Variants in FLRT1 observed in about 807,000 individuals in gnomAD.
FLRT1 encodes leucine-rich repeat transmembrane protein FLRT1.
In FLRT1, 14 loss-of-function variants were observed where a neutral mutation model predicts 30.9. The ratio of observed to expected loss-of-function variants is 0.45; its 90% CI spans 0.30 to 0.71. The LOEUF (loss-of-function observed/expected upper bound fraction) is 0.71, where lower values mean the gene tolerates loss of function less well. FLRT1 is among the 30% of genes least tolerant of loss of function. FLRT1 has a pLI of 0.08. For synonymous variants in FLRT1, 368 were observed against 430.4 expected, an observed-to-expected ratio of 0.85 and a Z score of 1.80; for missense variants, 737 against 949.2, an observed-to-expected ratio of 0.78 and a Z score of 2.94.
chr11:64,079,593 G>A (rs1435650946), intron 1 of FLRT1, among the ~76,000 whole-genome samples: 4 of 152,300 alleles, frequency 2.6e-5, no homozygotes, highest in Admixed American at 6.5e-5. Flanking sequence ...GGTCCTGGGC[G>A]TGGGGTGGGA....
chr11:64,097,002 CA>C (rs1944588461), intron 1 of FLRT1, among the ~76,000 whole-genome samples: 1 of 152,250 alleles, frequency 6.6e-6, no homozygotes, highest in Non-Finnish European at 1.5e-5. Context: ...GAGGAGATTG[CA>C]AAGGCACAAG....
intron 1 of FLRT1, among the ~76,000 whole-genome samples, chr11:64,066,071 C>T (rs985419329): frequency 1.7e-4 from 26 of 151,560 alleles, no homozygotes; most frequent in African/African-American, 6.1e-4. Context: ...CTGAGGTGGG[C>T]GGATCACCTG....
intron 1 of FLRT1, among the ~76,000 whole-genome samples, chr11:64,049,117 G>C (rs1943642261): frequency 6.6e-6 from 1 of 152,210 alleles, no homozygotes. Context: ...ATTCACTGGA[G>C]TGGGGAACAG....
chr11:64,108,604 T>C (rs969015789), intron 2 of FLRT1, among the ~76,000 whole-genome samples: 5 of 152,212 alleles, frequency 3.3e-5, no homozygotes, highest in African/African-American at 7.2e-5. Context: ...CTGGAGATGA[T>C]TGTGCCTTGG....
chr11:64,048,130 G>A (rs1943619745), intron 1 of FLRT1, among the ~76,000 whole-genome samples: 1 of 152,178 alleles, frequency 6.6e-6, no homozygotes, highest in Admixed American at 6.5e-5. Flanking sequence ...AGCAGGGCCG[G>A]GCAGGGGCCC....
rs540450649 is a variant in FLRT1 at position 64,082,860 on chromosome 11, C to G, written c.-1037-20334C>G. 1 of 152,556 alleles carries G rather than the reference C, an allele frequency of 6.6e-6. No homozygotes were observed. The highest frequency in any genetic ancestry group is 2.4e-5 in the African/African-American group (1 of 41,554). 9.5% of individuals were successfully genotyped at this position (152,556 alleles called of 1,614,324 possible). A position where few individuals can be genotyped will look rare whatever the true frequency, so the allele number is the denominator to read the frequency against. On this transcript the variant is annotated intron_variant, in intron 1 of 2. Transcript: ENST00000682287. The surrounding 1 kb of genome is among the most constrained non-coding windows in gnomAD (Gnocchi z 4.5). Reference sequence around the variant, plus strand: ...ACAGGGCACCAGACACCGAGGTAGGCAGGGCTGTGCCTGCTCCAGCCCAGG... The same window carrying G: ...ACAGGGCACCAGACACCGAGGTAGGGAGGGCTGTGCCTGCTCCAGCCCAGG...
chr11:64,084,878 G>A (rs748900870), intron 1 of FLRT1, among the ~76,000 whole-genome samples: 20 of 152,248 alleles, frequency 1.3e-4, no homozygotes, highest in Non-Finnish European at 2.9e-4. Context: ...CACAGGGAGA[G>A]CTGCGTGTGT....
chr11:64,094,778 C>T (rs960987657), intron 1 of FLRT1, among the ~76,000 whole-genome samples: 1 of 152,316 alleles, frequency 6.6e-6, no homozygotes, highest in East Asian at 1.9e-4. Context: ...ACCCCTGACC[C>T]CACGACCACG....
intron 1 of FLRT1, among the ~76,000 whole-genome samples, chr11:64,092,866 T>C (rs1944513757): frequency 6.6e-6 from 1 of 152,226 alleles, no homozygotes; most frequent in South Asian, 2.1e-4. Flanking sequence ...ACAAAGTCAA[T>C]GGGTAACCGC....
chr11:64,038,700 A>G lies in FLRT1; in HGVS notation c.-1038+2541A>G, dbSNP rs11828195. On this transcript the variant is annotated intron_variant, in intron 1 of 2. Transcript: ENST00000682287. ...ATCTCAGAGATGGGGCCTGTATGGGACTGTGTGGGTCTGGCTGTGCTGGCC... is the reference window on the plus strand; with the variant it reads ...ATCTCAGAGATGGGGCCTGTATGGGGCTGTGTGGGTCTGGCTGTGCTGGCC... 9.1e-3 allele frequency among the ~76,000 whole-genome samples: 1,386 copies of G among 152,164 alleles called. 27 individuals carry two copies. Among genetic ancestry groups the G allele is most frequent in the African/African-American group, 0.032 (1,320 of 41,502 alleles).
chr11:64,070,548 C>T (rs918003079), intron 1 of FLRT1, among the ~76,000 whole-genome samples: 1 of 152,188 alleles, frequency 6.6e-6, no homozygotes, highest in African/African-American at 2.4e-5. Flanking sequence ...CTCGAGAACT[C>T]GAAGCAAGTC....
chr11:64,054,723 A>G (rs1943752344), intron 1 of FLRT1, among the ~76,000 whole-genome samples: 1 of 151,824 alleles, frequency 6.6e-6, no homozygotes, highest in Non-Finnish European at 1.5e-5. Context: ...CAAATCAACA[A>G]ACTTCCTTGT....
At chr11:64,098,418 C>T (rs1020744281) in intron 1 of FLRT1, among the ~76,000 whole-genome samples, 2 of 152,234 alleles carry the variant, frequency 1.3e-5, no homozygotes, top group Non-Finnish European at 1.5e-5. Flanking sequence ...CCACTCCCAA[C>T]ATGCTGAGCC....
intron 1 of FLRT1, among the ~76,000 whole-genome samples, chr11:64,054,974 C>T (rs904645679): frequency 6.6e-6 from 1 of 152,160 alleles, no homozygotes; most frequent in Non-Finnish European, 1.5e-5. Flanking sequence ...GATCTCCTAC[C>T]AGCCCTTTCC....
intron 1 of FLRT1, among the ~76,000 whole-genome samples, chr11:64,080,248 A>G (rs1469195937): frequency 6.6e-6 from 1 of 152,158 alleles, no homozygotes; most frequent in Non-Finnish European, 1.5e-5. Context: ...CCTGACCTCA[A>G]GTGATCTGCC....
At chr11:64,066,294 CAA>C (rs59963244) in intron 1 of FLRT1, among the ~76,000 whole-genome samples, 4,763 of 50,612 alleles carry the variant, frequency 0.094, 60 homozygotes, top group South Asian at 0.19. Flanking sequence ...GAGACTGTCT[CAA>C]AAAAAAAAAA....
Position 64,116,596 on chromosome 11 carries a change from T to C in FLRT1, c.329T>C (p.Val110Ala), listed in dbSNP as rs1204313148. ...CTCAAGACCAAGGTCAACGTGCAGG[T>C]CATCTACCTATACGAGAATGACCTG... ...QDLKTKVNVQVIYLYENDLDE... is the reference protein window; with the variant it reads ...QDLKTKVNVQAIYLYENDLDE... Residue 110 changes from valine to alanine, a missense_variant, in exon 3 of 3, where the codon GTC becomes GCC. Physicochemically the swap from Val to Ala is moderately conservative, Grantham distance 64. Coordinates refer to ENST00000682287, the MANE Select transcript of FLRT1 (RefSeq NM_013280.5). 1 of 1,613,970 alleles carries C rather than the reference T, an allele frequency of 6.2e-7. No individual in the cohort carries two copies. The highest frequency in any genetic ancestry group is 8.5e-7 in the Non-Finnish European group (1 of 1,179,994).
At chr11:64,113,435 T>TGGAA (rs1404555432) in intron 2 of FLRT1, among the ~76,000 whole-genome samples, 7 of 149,556 alleles carry the variant, frequency 4.7e-5, no homozygotes, top group Non-Finnish European at 7.4e-5. Flanking sequence ...GATGGATGGA[T>TGGAA]GGATGGATGG....
chr11:64,045,336 A>G (rs900640065), intron 1 of FLRT1, among the ~76,000 whole-genome samples: 6 of 152,230 alleles, frequency 3.9e-5, no homozygotes, highest in Admixed American at 3.3e-4. Context: ...TCCTATTAAA[A>G]GCTTTTTCAT....
Sources: gnomAD v4.1 joint callset for allele counts (sites outside exome capture counted in the v4.1 genomes callset) on GRCh38, gnomAD v4.1.1 for gene constraint, Gnocchi (gnomAD v3.1) non-coding constraint, MANE v1.5 for transcripts, NCBI Gene and HGNC (gene_info 2026-07-23, HGNC 2026-07-21) for gene names.